RGSL1: variants seen among roughly 807,000 people sequenced by gnomAD.
RGSL1 encodes regulator of G protein signaling like 1.
A neutral mutation model predicts 124.7 loss-of-function variants in RGSL1; 97 were observed. The ratio of observed to expected loss-of-function variants is 0.78; its 90% CI spans 0.66 to 0.92. The LOEUF is 0.92. RGSL1 is among the 40% of genes least tolerant of loss of function. The pLI, the probability that RGSL1 is intolerant of heterozygous loss-of-function variation, is 0.00. For synonymous variants in RGSL1, 424 were observed against 438.1 expected, an observed-to-expected ratio of 0.97 and a Z score of 0.40; for missense variants, 1,233 against 1,288.4, an observed-to-expected ratio of 0.96 and a Z score of 0.66.
intron 14 of RGSL1, among the ~76,000 whole-genome samples, chr1:182,537,954 C>T (rs1329566849): frequency 1.3e-5 from 2 of 152,136 alleles, no homozygotes; most frequent in African/African-American, 2.4e-5. Context: ...TCACTGGACT[C>T]TCAGGTCCAT....
chr1:182,495,693 A>G (rs564290017), intron 9 of RGSL1, among the ~76,000 whole-genome samples: 58 of 152,144 alleles, frequency 3.8e-4, no homozygotes, highest in Non-Finnish European at 6.5e-4. Flanking sequence ...GTTTATTTTC[A>G]CCAAGATATT....
chr1:182,539,692 C>A (rs1366787441), intron 14 of RGSL1, among the ~76,000 whole-genome samples: 5 of 152,212 alleles, frequency 3.3e-5, no homozygotes, highest in Non-Finnish European at 1.5e-5. Context: ...AGTCAAGAAA[C>A]TTTCTAAAGG....
chr1:182,548,908 T>C (rs1660394148), intron 17 of RGSL1, 84 bp downstream of exon 17: 1 of 1,486,046 alleles, frequency 6.7e-7, no homozygotes, highest in Middle Eastern at 1.8e-4. Context: ...CCTCTAGCAC[T>C]CTGTTTCGTA....
intron 9 of RGSL1, among the ~76,000 whole-genome samples, chr1:182,511,813 T>C (rs1055236878): frequency 1.3e-5 from 2 of 152,216 alleles, no homozygotes; most frequent in Non-Finnish European, 2.9e-5. Context: ...GATGAATCTA[T>C]AAATTACTCT....
chr1:182,492,892 G>A (rs1655636296), intron 8 of RGSL1, 130 bp from the exon 9 acceptor site: 2 of 671,668 alleles, frequency 3.0e-6, no homozygotes, highest in East Asian at 5.5e-5. Flanking sequence ...GCCTCCCAAA[G>A]TGCTGGGATT....
Position 182,489,060 on chromosome 1 carries a change from G to T in RGSL1, c.1575G>T (p.Arg525Ser), listed in dbSNP as rs1395918690. 3 of 1,551,618 alleles carry T rather than the reference G, an allele frequency of 1.9e-6. No homozygotes were observed. The Admixed American group carries it at 5.9e-5, about 30-fold the overall frequency. ...AAGAGAACATTCTTCTTTATAAGAGGATTCAGCAGTCTCTAGAGTTAAGCC... is the reference window on the plus strand; with the variant it reads ...AAGAGAACATTCTTCTTTATAAGAGTATTCAGCAGTCTCTAGAGTTAAGCC... ...GKEENILLYKRIQQSLELSQA... is the reference protein window; with the variant it reads ...GKEENILLYKSIQQSLELSQA... The change falls in exon 8 of 22, where the codon AGG (arginine) becomes AGT (serine). Residue 525 changes from arginine (R) to serine (S), a missense_variant. By Grantham distance (110) the Arg-to-Ser change is moderately radical. Transcript: ENST00000294854.
At chr1:182,541,775 T>C (rs929458052) in intron 15 of RGSL1, among the ~76,000 whole-genome samples, 9 of 152,180 alleles carry the variant, frequency 5.9e-5, no homozygotes, top group African/African-American at 2.2e-4. Flanking sequence ...CGACTTTAAC[T>C]AGGGTAAGAT....
chr1:182,554,129 C>A (rs548136424), intron 19 of RGSL1, among the ~76,000 whole-genome samples: 2 of 152,338 alleles, frequency 1.3e-5, no homozygotes, highest in Admixed American at 6.5e-5. Context: ...TCCTAACAAA[C>A]CTTCCCTTTC....
At chr1:182,554,549 C>T (rs1660750418) in intron 19 of RGSL1, 78 bp from the exon 20 acceptor site, 1 of 1,297,434 alleles carries the variant, frequency 7.7e-7, no homozygotes, top group African/African-American at 1.5e-5. Flanking sequence ...CCAGCATGGT[C>T]CTCCAGGGTG....
intron 4 of RGSL1, among the ~76,000 whole-genome samples, chr1:182,470,389 A>C (rs1171653650): frequency 1.3e-5 from 2 of 151,846 alleles, no homozygotes; most frequent in African/African-American, 4.8e-5. Flanking sequence ...CCCCTCACTC[A>C]TTCCATTCCA....
chr1:182,480,866 T>C (rs1654653574), intron 6 of RGSL1, among the ~76,000 whole-genome samples: 1 of 151,716 alleles, frequency 6.6e-6, no homozygotes, highest in South Asian at 2.1e-4. Context: ...AAACAACTAG[T>C]AGCTCAAAAA....
intron 6 of RGSL1, among the ~76,000 whole-genome samples, chr1:182,476,253 G>C (rs1654283183): frequency 6.6e-6 from 1 of 152,198 alleles, no homozygotes; most frequent in Non-Finnish European, 1.5e-5. Flanking sequence ...GACTGGGACT[G>C]TGCTTTCTGG....
intron 10 of RGSL1, 95 bp from the exon 11 acceptor site, chr1:182,527,484 T>G: frequency 1.9e-6 from 2 of 1,035,564 alleles, no homozygotes; most frequent in Non-Finnish European, 2.8e-6. Context: ...AAAGGCCTTA[T>G]AGCCTGGTCA....
chr1:182,512,929 AC>A (rs1300266454), intron 9 of RGSL1, among the ~76,000 whole-genome samples: 1 of 151,294 alleles, frequency 6.6e-6, no homozygotes, highest in Non-Finnish European at 1.5e-5. Flanking sequence ...CTGCCATGCC[AC>A]TCTTCTGCTC....
At chr1:182,500,280 C>A (rs947873970) in intron 9 of RGSL1, among the ~76,000 whole-genome samples, 1 of 152,136 alleles carries the variant, frequency 6.6e-6, no homozygotes, top group Admixed American at 6.5e-5. Context: ...TTCTTTCCCC[C>A]CATTGAACGG....
At chr1:182,473,511 CA>C in intron 5 of RGSL1, 63 bp from the exon 6 acceptor site, 3 of 1,454,962 alleles carry the variant, frequency 2.1e-6, no homozygotes, top group Non-Finnish European at 2.7e-6. Context: ...AAAACCTCTC[CA>C]ACACCATCAT....
In RGSL1 at chr1:182,500,153, C is replaced by A. The variant is rs115733685; in HGVS notation, c.1825+7024C>A. On this transcript the variant is annotated intron_variant, in intron 9 of 21. Transcript: ENST00000294854. ...GAGCTTTAAGGTATTAGCATCTACA[C>A]TTAAGTTTGTTATTCATTTTGAGTT... Among the ~76,000 whole-genome samples the A allele has an allele frequency of 5.7e-3, 869 of 152,258 alleles. 9 individuals carry two copies. Among genetic ancestry groups the A allele is most frequent in the African/African-American group, 0.02 (840 of 41,544 alleles).
At chr1:182,548,181 T>C (rs1660337528) in intron 15 of RGSL1, 136 bp from the exon 16 acceptor site, 4 of 849,694 alleles carry the variant, frequency 4.7e-6, no homozygotes, top group Non-Finnish European at 7.5e-6. Context: ...GAATTATGAC[T>C]GAATGAATAA....
chr1:182,556,063 C>A lies in RGSL1; in HGVS notation c.*6C>A. 1 of 1,551,210 alleles carries A rather than the reference C, an allele frequency of 6.4e-7. No homozygotes were observed. Among genetic ancestry groups the A allele is most frequent in the Admixed American group, 2.0e-5 (1 of 50,988 alleles). On this transcript the variant is annotated 3_prime_UTR_variant, in exon 21 of 22. Coordinates refer to ENST00000294854, the MANE Select transcript of RGSL1 (RefSeq NM_001137669.2). Reference sequence around the variant, plus strand: ...ACATCAAAAAAGAGAAGTAATCAAGCGAGACCCCCAGCAGAGATAAATCAT... The same window carrying A: ...ACATCAAAAAAGAGAAGTAATCAAGAGAGACCCCCAGCAGAGATAAATCAT...
Sources: allele counts gnomAD v4.1 joint callset (sites outside exome capture counted in the v4.1 genomes callset), GRCh38; gene constraint gnomAD v4.1.1; transcripts MANE v1.5; gene names NCBI Gene and HGNC (gene_info 2026-07-23, HGNC 2026-07-21).